Variants in TSHZ2 observed in about 807,000 individuals in gnomAD.
TSHZ2 encodes teashirt homolog 2.
TSHZ2 carries 21 observed loss-of-function variants against 74.4 expected under a neutral mutation model. That is an observed-to-expected ratio of 0.28 (90% confidence interval 0.20 to 0.41). The LOEUF is 0.41. Ranked by LOEUF, TSHZ2 falls within the 10% of genes least tolerant of loss-of-function variation. The pLI is 1.00. For missense variants in TSHZ2, 1,244 were observed against 1,293.5 expected, an observed-to-expected ratio of 0.96 and a Z score of 0.59; for synonymous variants, 540 against 515.3, an observed-to-expected ratio of 1.05 and a Z score of -0.65.
chr20:53,230,755 G>T (rs1044685779), intron 1 of TSHZ2, among the ~76,000 whole-genome samples: 1 of 152,000 alleles, frequency 6.6e-6, no homozygotes, highest in Non-Finnish European at 1.5e-5. Flanking sequence ...AGCTGGGCGT[G>T]GTGGTGGCCA....
Position 53,221,960 on chromosome 20 carries a change from G to A in TSHZ2, c.41-31539G>A, listed in dbSNP as rs919703118. Among the ~76,000 whole-genome samples, 14 of 152,142 alleles carry A rather than the reference G, an allele frequency of 9.2e-5. No individual in the cohort carries two copies. In the South Asian group the frequency reaches 1.7e-3, roughly 18 times the overall value. ...GCAACTGCTAATGCCTTACAGATGC[G>A]TGAAGTTAGGCGAAATAAGAAACTG... is the stretch of plus-strand genomic sequence containing the variant. On this transcript the variant is annotated intron_variant, in intron 1 of 2. Transcript: ENST00000371497.
chr20:53,169,550 C>T (rs2066344970), intron 1 of TSHZ2, among the ~76,000 whole-genome samples: 1 of 152,164 alleles, frequency 6.6e-6, no homozygotes, highest in Admixed American at 6.5e-5. Context: ...TTAACTACAT[C>T]GCCAAGGCTA....
chr20:53,294,095 A>C (rs542662355), intron 2 of TSHZ2, among the ~76,000 whole-genome samples: 82 of 152,270 alleles, frequency 5.4e-4, no homozygotes, highest in African/African-American at 1.9e-3. Context: ...AAATACTTCC[A>C]CAGTGGGAAG....
At chr20:53,154,775 C>T (rs895840071) in intron 1 of TSHZ2, among the ~76,000 whole-genome samples, 1 of 152,034 alleles carries the variant, frequency 6.6e-6, no homozygotes, top group African/African-American at 2.4e-5. Context: ...AGTGTAGCTC[C>T]CTCCAAATTT....
intron 1 of TSHZ2, among the ~76,000 whole-genome samples, chr20:53,056,551 A>G (rs1364430786): frequency 6.6e-6 from 1 of 152,210 alleles, no homozygotes; most frequent in Non-Finnish European, 1.5e-5. Context: ...CTAGTTAAAT[A>G]AATGAGTTTC....
intron 2 of TSHZ2, among the ~76,000 whole-genome samples, chr20:53,404,644 T>C (rs1982778650): frequency 6.6e-6 from 1 of 152,204 alleles, no homozygotes; most frequent in Non-Finnish European, 1.5e-5. Context: ...GCTCTTTAAA[T>C]CCTCAGGGCC....
chr20:53,075,464 G>A (rs1171525690), intron 1 of TSHZ2, among the ~76,000 whole-genome samples: 1 of 152,196 alleles, frequency 6.6e-6, no homozygotes, highest in Non-Finnish European at 1.5e-5. Context: ...GGGATTTGAA[G>A]TCAGATTATG....
intron 1 of TSHZ2, among the ~76,000 whole-genome samples, chr20:53,119,164 C>A (rs115971090): frequency 6.6e-6 from 1 of 152,152 alleles, no homozygotes; most frequent in Non-Finnish European, 1.5e-5. Context: ...CAGATCCAAA[C>A]CCTTTCAGTG....
At chr20:53,190,002 C>T (rs6126777) in intron 1 of TSHZ2, among the ~76,000 whole-genome samples, 6,834 of 144,098 alleles carry the variant, frequency 0.047, 467 homozygotes, top group East Asian at 0.34. Flanking sequence ...GAGGATCACC[C>T]GAGCCAGGGC....
chr20:53,011,997 G>T (rs1027975178), intron 1 of TSHZ2, among the ~76,000 whole-genome samples: 1 of 152,118 alleles, frequency 6.6e-6, no homozygotes, highest in Non-Finnish European at 1.5e-5. Flanking sequence ...ATTGAGAAAC[G>T]GGGTCTTATG....
intron 2 of TSHZ2, among the ~76,000 whole-genome samples, chr20:53,471,335 T>C (rs1211654787): frequency 6.6e-6 from 1 of 152,220 alleles, no homozygotes; most frequent in Non-Finnish European, 1.5e-5. Context: ...AACAAGTATT[T>C]ATCAAGGACC....
intron 1 of TSHZ2, among the ~76,000 whole-genome samples, chr20:53,251,468 A>C (rs1318603288): frequency 1.3e-5 from 2 of 152,234 alleles, no homozygotes; most frequent in Non-Finnish European, 2.9e-5. Flanking sequence ...GGAATAATCT[A>C]ATTCGGCCAT....
intron 1 of TSHZ2, among the ~76,000 whole-genome samples, chr20:53,161,772 A>G (rs986349376): frequency 4.6e-5 from 7 of 152,192 alleles, no homozygotes; most frequent in African/African-American, 1.4e-4. Flanking sequence ...ATTCCAGGTG[A>G]TATTTGGGTG....
chr20:53,430,101 A>C (rs892480874), intron 2 of TSHZ2, among the ~76,000 whole-genome samples: 6 of 152,120 alleles, frequency 3.9e-5, no homozygotes, highest in Non-Finnish European at 5.9e-5. Context: ...TTATTGCTTA[A>C]GGGGATAAGG....
chr20:53,402,472 A>G (rs796260278), intron 2 of TSHZ2, among the ~76,000 whole-genome samples: 2 of 152,318 alleles, frequency 1.3e-5, no homozygotes, highest in African/African-American at 2.4e-5. Context: ...GTAGGAGGCT[A>G]TGCCATCTAG....
chr20:53,254,643 C>T lies in TSHZ2; in HGVS notation c.1185C>T (p.Leu395=). The change falls in exon 2 of 3, where the codon CTC becomes CTT. Residue 395 remains leucine (L), a synonymous_variant. Coordinates refer to ENST00000371497, the MANE Select transcript of TSHZ2 (RefSeq NM_173485.6). ...CGSSHDTLQQ[L]TTHMMVTGHF... ...GCTCCCATGACACCTTGCAGCAGCT[C>T]ACCACCCACATGATGGTCACAGGTC... The T allele has an allele frequency of 6.2e-7, 1 of 1,614,136 alleles. No homozygotes were observed. The highest frequency in any genetic ancestry group is 2.2e-5 in the East Asian group (1 of 44,870).
intron 1 of TSHZ2, among the ~76,000 whole-genome samples, chr20:53,001,426 G>T (rs931938928): frequency 1.7e-4 from 26 of 152,190 alleles, no homozygotes; most frequent in African/African-American, 6.0e-4. Context: ...AAGGAGAAAG[G>T]ATTCATGACC....
intron 2 of TSHZ2, among the ~76,000 whole-genome samples, chr20:53,260,561 G>A (rs1990582228): frequency 6.6e-6 from 1 of 152,178 alleles, no homozygotes; most frequent in African/African-American, 2.4e-5. Flanking sequence ...GGTTCTGGGG[G>A]AAGCCGGGAT....
chr20:53,124,682 T>C (rs1342255757), intron 1 of TSHZ2, among the ~76,000 whole-genome samples: 1 of 152,224 alleles, frequency 6.6e-6, no homozygotes, highest in Non-Finnish European at 1.5e-5. Context: ...GCAGAACCTA[T>C]ACTAAACTCT....
Sources: gnomAD v4.1 joint callset for allele counts (sites outside exome capture counted in the v4.1 genomes callset) on GRCh38, gnomAD v4.1.1 for gene constraint, MANE v1.5 for transcripts, NCBI Gene and HGNC (gene_info 2026-07-23, HGNC 2026-07-21) for gene names.